The following ZNF84 variants were observed in gnomAD, a reference collection of about 807,000 sequenced individuals.
ZNF84 encodes the protein zinc finger protein HPF2.
In ZNF84, 12 loss-of-function variants were observed where a neutral mutation model predicts 14.8. That is an observed-to-expected ratio of 0.81 (90% confidence interval 0.52 to 1.31). The LOEUF (loss-of-function observed/expected upper bound fraction) is 1.31. ZNF84 is among the 50% of genes most tolerant of loss of function. The probability of loss-of-function intolerance (pLI) is 0.00; values close to 1 mark genes in which losing one functional copy is unlikely to be tolerated. For synonymous variants in ZNF84, 347 were observed against 291.1 expected (o/e 1.19, Z -1.96); for missense variants, 859 against 878.6 (o/e 0.98, Z 0.28).
In ZNF84 at chr12:133,060,500, T is replaced by G. The variant is rs914612224; in HGVS notation, c.*1568T>G. The G allele has an allele frequency of 1.3e-5, 2 of 152,190 alleles. No individual in the cohort carries two copies. The highest frequency in any genetic ancestry group is 2.9e-5 in the Non-Finnish European group (2 of 68,024). The allele number at this position is 152,190 out of a possible 1,614,324, so 9.4% of individuals were successfully genotyped here. A position where few individuals can be genotyped will look rare whatever the true frequency, so the allele number is the denominator to read the frequency against. ...ACCCAACTTACCAAACATCATAGCT[T>G]AGCGTAGCCTACCTTAAACATTCTC... On this transcript the variant is annotated 3_prime_UTR_variant, in exon 5 of 5. Transcript: ENST00000539354.
chr12:133,055,396 T>A (rs1282032555), intron 4 of ZNF84, among the ~76,000 whole-genome samples: 1 of 152,124 alleles, frequency 6.6e-6, no homozygotes, highest in Non-Finnish European at 1.5e-5. Flanking sequence ...AGTTGTACAT[T>A]TCATCAACAC....
At position 133,058,740 on chromosome 12, in the gene ZNF84, GAC is replaced by G. The variant is rs1954206616; in HGVS notation, c.2029_2030del (p.His677TyrfsTer3). 3 of 1,613,648 alleles carry G rather than the reference GAC, an allele frequency of 1.9e-6. No homozygotes were observed. The Admixed American group carries it at 5.0e-5, about 27-fold the overall frequency. The stretch of plus-strand genomic sequence containing the variant: ...AGTCACACCTTATACCACATCAAAG[GAC>G]ACATACGGGTGAGAAACCCTATGGA... Reference protein sequence around the residue: ...RKSHLIPHQRTHTGEKPYGCS... With the variant: ...RKSHLIPHQRXHTGEKPYGCS... On this transcript the variant is annotated frameshift_variant, in exon 5 of 5. Coordinates refer to ENST00000539354, the MANE Select transcript of ZNF84 (RefSeq NM_001289971.2). LOFTEE classifies it low-confidence loss of function (END_TRUNC).
chr12:133,044,005 A>C (rs969005442), intron 2 of ZNF84, among the ~76,000 whole-genome samples: 19 of 147,974 alleles, frequency 1.3e-4, no homozygotes, highest in Admixed American at 1.3e-3. Flanking sequence ...CTTGTGATCC[A>C]CCCGCCTCGG....
intron 1 of ZNF84, chr12:133,040,464 G>C (rs79428647): frequency 0.011 from 1,607 of 151,316 alleles, 14 homozygotes; most frequent in Non-Finnish European, 0.018. Flanking sequence ...TTCCAGCTAC[G>C]TGGGAGGCTG....
At chr12:133,038,987 C>T (rs1344817182) in intron 1 of ZNF84, 2 of 152,092 alleles carry the variant, frequency 1.3e-5, no homozygotes, top group Admixed American at 1.3e-4. Flanking sequence ...CAATAGTTTC[C>T]ATCATCCTAA....
chr12:133,058,674 G>A lies in ZNF84; in HGVS notation c.1959G>A (p.Lys653=). The A allele has an allele frequency of 1.2e-6, 2 of 1,613,714 alleles. No individual in the cohort carries two copies. Among genetic ancestry groups the A allele is most frequent in the Non-Finnish European group, 1.7e-6 (2 of 1,179,884 alleles). ...INHQRIHTGE[K]PFECSECGKA... ...ATCAGAGAATACATACAGGAGAGAA[G>A]CCTTTTGAATGCAGTGAGTGTGGCA... Residue 653 remains lysine (K), a synonymous_variant, in exon 5 of 5, where the codon AAG becomes AAA. Coordinates refer to ENST00000539354, the MANE Select transcript of ZNF84 (RefSeq NM_001289971.2).
chr12:133,043,141 G>C (rs1335929932), intron 2 of ZNF84, among the ~76,000 whole-genome samples: 3 of 152,078 alleles, frequency 2.0e-5, no homozygotes, highest in Non-Finnish European at 4.4e-5. Flanking sequence ...CACTGCAATT[G>C]CAACTGCAGT....
intron 2 of ZNF84, among the ~76,000 whole-genome samples, chr12:133,044,500 A>T (rs1210688639): frequency 2.0e-5 from 3 of 152,206 alleles, no homozygotes; most frequent in Non-Finnish European, 4.4e-5. Flanking sequence ...CTAAAACTAC[A>T]TAGATCTTGC....
chr12:133,040,412 A>T (rs1953866239), intron 1 of ZNF84: 2 of 151,902 alleles, frequency 1.3e-5, no homozygotes, highest in Non-Finnish European at 2.9e-5. Context: ...GAAAAAAAAT[A>T]CAAAAACAGT....
intron 2 of ZNF84, among the ~76,000 whole-genome samples, chr12:133,046,347 GTTTTTTTTTTTTTTTTTTTTTTT>G (rs58214468): frequency 1.7e-5 from 2 of 116,404 alleles, no homozygotes; most frequent in African/African-American, 7.2e-5. Context: ...AGTCCTCACA[GTTTTTTTTTTTTTTTTTTTTTTT>G]TTTTTTTTTT....
In ZNF84 at chr12:133,058,461, G is replaced by C; in HGVS notation, c.1746G>C (p.Gln582His). Residue 582 changes from glutamine to histidine, a missense_variant, in exon 5 of 5, where the codon CAG (glutamine) becomes CAC (histidine). By Grantham distance (24) the Gln-to-His change is conservative. Coordinates refer to ENST00000539354, the MANE Select transcript of ZNF84 (RefSeq NM_001289971.2). ...ECRDCEKAFS[Q>H]KSQLNTHQRI... Reference sequence around the variant, plus strand: ...GGGACTGTGAAAAAGCTTTCTCCCAGAAATCACAGCTAAATACCCATCAGA... The same window carrying C: ...GGGACTGTGAAAAAGCTTTCTCCCACAAATCACAGCTAAATACCCATCAGA... 15 of 1,614,138 alleles carry C rather than the reference G, an allele frequency of 9.3e-6. No homozygotes were observed. Among genetic ancestry groups the C allele is most frequent in the Non-Finnish European group, 1.3e-5 (15 of 1,180,028 alleles).
Position 133,049,672 on chromosome 12 carries a change from A to G in ZNF84, c.238+824A>G, listed in dbSNP as rs891126305. 4.6e-5 allele frequency among the ~76,000 whole-genome samples: 7 copies of G among 151,992 alleles called. No individual in the cohort carries two copies. In the East Asian group the frequency reaches 1.4e-3, roughly 29 times the overall value. On this transcript the variant is annotated intron_variant, in intron 4 of 4. Coordinates refer to ENST00000539354, the MANE Select transcript of ZNF84 (RefSeq NM_001289971.2). ...TTTTTTTTGTATTTTTAGTGGAGAC[A>G]GGGTTTCACCATGTTGGCCAGGCTG... is the stretch of plus-strand genomic sequence containing the variant.
chr12:133,052,281 C>T (rs1356163465), intron 4 of ZNF84, among the ~76,000 whole-genome samples: 1 of 152,196 alleles, frequency 6.6e-6, no homozygotes, highest in African/African-American at 2.4e-5. Flanking sequence ...TATGTGTTCA[C>T]ATGGCCTTTT....
At chr12:133,052,442 A>T (rs1202003970) in intron 4 of ZNF84, among the ~76,000 whole-genome samples, 5 of 152,228 alleles carry the variant, frequency 3.3e-5, no homozygotes, top group African/African-American at 1.2e-4. Flanking sequence ...CCTGGGCTCA[A>T]GTGATCCCCC....
rs984628987 is a variant in ZNF84, at chr12:133,057,932, G to T, written c.1217G>T (p.Ser406Ile). Residue 406 changes from serine (S) to isoleucine (I), a missense_variant, in exon 5 of 5, where the codon AGC becomes ATC. Coordinates refer to ENST00000539354, the MANE Select transcript of ZNF84 (RefSeq NM_001289971.2). The stretch of plus-strand genomic sequence containing the variant: ...ACTGGAGAGAAACCCTATGAATGCA[G>T]CGAGTGTAGGAAAGCATTTAGAGAG... Reference protein sequence around the residue: ...IHTGEKPYECSECRKAFRERS... With the variant: ...IHTGEKPYECIECRKAFRERS... 1.9e-6 allele frequency: 3 copies of T among 1,614,062 alleles called. No individual in the cohort carries two copies. The African/African-American group carries it at 4.0e-5, about 22-fold the overall frequency.
Position 133,048,495 on chromosome 12 carries a change from A to G in ZNF84, c.143-258A>G, listed in dbSNP as rs1432185558. 1.6e-5 allele frequency: 5 copies of G among 315,950 alleles called. No homozygotes were observed. In the East Asian group the frequency reaches 2.3e-4, roughly 14 times the overall value. 19.6% of individuals were successfully genotyped at this position (315,950 alleles called of 1,614,324 possible). The stretch of plus-strand genomic sequence containing the variant: ...CCAAGAGAGGTTAAGTAACTTTCCC[A>G]AGAACTAACAGCTAGTAAATTAAAG... On this transcript the variant is annotated intron_variant, in intron 3 of 4. Transcript: ENST00000539354.
Position 133,058,165 on chromosome 12 carries a change from G to A in ZNF84, c.1450G>A (p.Glu484Lys). The change falls in exon 5 of 5, where the codon GAA becomes AAA. Residue 484 changes from glutamate to lysine, a missense_variant. By Grantham distance (56) the Glu-to-Lys change is moderately conservative. Transcript: ENST00000539354. ...TAGACATCAGAGAACTCATACGGGA[G>A]AAAAACCGTATGAATGCAGTGAGTG... is the stretch of plus-strand genomic sequence containing the variant. ...LVRHQRTHTGEKPYECSECGK... is the reference protein window; with the variant it reads ...LVRHQRTHTGKKPYECSECGK... 6.2e-7 allele frequency: 1 copy of A among 1,613,962 alleles called. No individual in the cohort carries two copies. Among genetic ancestry groups the A allele is most frequent in the Non-Finnish European group, 8.5e-7 (1 of 1,179,996 alleles).
At chr12:133,042,614 G>T (rs931907274) in intron 2 of ZNF84, among the ~76,000 whole-genome samples, 4 of 152,182 alleles carry the variant, frequency 2.6e-5, no homozygotes, top group Non-Finnish European at 5.9e-5. Flanking sequence ...TCTCCTTTGT[G>T]GATAGGTGGG....
Position 133,057,944 on chromosome 12 carries a change from A to G in ZNF84, c.1229A>G (p.Lys410Arg). 2 of 1,614,046 alleles carry G rather than the reference A, an allele frequency of 1.2e-6. No homozygotes were observed. Among genetic ancestry groups the G allele is most frequent in the South Asian group, 1.1e-5 (1 of 91,070 alleles). The change falls in exon 5 of 5, where the codon AAA (lysine) becomes AGA (arginine). Residue 410 changes from lysine (K) to arginine (R), a missense_variant. Lys to Arg is a conservative substitution (Grantham distance 26). Transcript: ENST00000539354. ...CCCTATGAATGCAGCGAGTGTAGGA[A>G]AGCATTTAGAGAGAGGTCGAGTCTC... ...EKPYECSECRKAFRERSSLIN... is the reference protein window; with the variant it reads ...EKPYECSECRRAFRERSSLIN...
Sources: allele counts gnomAD v4.1 joint callset (sites outside exome capture counted in the v4.1 genomes callset), GRCh38; gene constraint gnomAD v4.1.1; transcripts MANE v1.5; gene names NCBI Gene and HGNC (gene_info 2026-07-23, HGNC 2026-07-21).